Variants in SYTL2 observed in about 807,000 individuals in gnomAD.
SYTL2 encodes the protein synaptotagmin like 2, also known as synaptotagmin-like protein 2.
A neutral mutation model predicts 198.7 loss-of-function variants in SYTL2; 165 were observed. The observed-to-expected ratio is 0.83, with a 90% CI of 0.73 to 0.94. The LOEUF (loss-of-function observed/expected upper bound fraction) is 0.94. Ranked by LOEUF, SYTL2 falls within the 40% of genes least tolerant of loss-of-function variation. SYTL2 has a pLI of 0.00. For synonymous variants in SYTL2, 966 were observed against 917.7 expected (o/e 1.05, Z -0.95); for missense variants, 2,835 against 2,582.8 (o/e 1.10, Z -2.12).
the SYTL2 span, among the ~76,000 whole-genome samples, chr11:85,843,610 C>G: frequency 6.6e-6 from 1 of 152,022 alleles, no homozygotes; most frequent in Non-Finnish European, 1.5e-5. Context: ...TGGGTCCCAT[C>G]AAATTTAGAC....
chr11:85,768,869 C>T (rs916499238), intron 1 of SYTL2, among the ~76,000 whole-genome samples: 3 of 152,140 alleles, frequency 2.0e-5, no homozygotes, highest in Non-Finnish European at 4.4e-5. Context: ...ACCCCAATCT[C>T]AGAGAATCAA....
intron 18 of SYTL2, 121 bp downstream of exon 18, chr11:85,697,858 T>C (rs955805747): frequency 3.2e-6 from 2 of 627,674 alleles, no homozygotes; most frequent in Non-Finnish European, 5.6e-6. Context: ...GTCTCCATTA[T>C]CCCAAGTAAA....
At chr11:85,803,699 T>C (rs1253860177) in intron 1 of SYTL2, among the ~76,000 whole-genome samples, 1 of 152,214 alleles carries the variant, frequency 6.6e-6, no homozygotes. Flanking sequence ...AAAGAGGCAA[T>C]ACTGGGTTGT....
At chr11:85,809,236 G>T (rs924347973) in intron 1 of SYTL2, among the ~76,000 whole-genome samples, 7 of 152,254 alleles carry the variant, frequency 4.6e-5, no homozygotes, top group Admixed American at 1.3e-4. Flanking sequence ...TAACGGGTCA[G>T]ATGTGGACAA....
the SYTL2 span, chr11:85,853,215 A>T: frequency 2.4e-6 from 1 of 420,468 alleles, no homozygotes; most frequent in Non-Finnish European, 4.7e-6. Context: ...TTTGTGGAAT[A>T]GAAAAGGGGG....
chr11:85,854,136 AG>A, the SYTL2 span: 1 of 152,186 alleles, frequency 6.6e-6, no homozygotes, highest in Non-Finnish European at 1.5e-5. Flanking sequence ...TGTAGGCGTG[AG>A]GGATTACAAG....
chr11:85,819,871 T>C, the SYTL2 span, among the ~76,000 whole-genome samples: 1 of 152,244 alleles, frequency 6.6e-6, no homozygotes, highest in African/African-American at 2.4e-5. Flanking sequence ...ATTGTTTATA[T>C]TTTGGTGTTC....
chr11:85,736,497 T>G lies in SYTL2; in HGVS notation c.586+4A>C. ...AAAATCAAGTTCATAAAAATAATAT[T>G]TACCCTCTTTTGAAGTCTGAAATAA... On this transcript the variant is annotated splice_donor_region_variant and intron_variant, in intron 6 of 19. Coordinates refer to ENST00000359152, the MANE Select transcript of SYTL2 (RefSeq NM_206927.4). 1.4e-6 allele frequency: 2 copies of G among 1,456,110 alleles called. No homozygotes were observed. The highest frequency in any genetic ancestry group is 9.5e-7 in the Non-Finnish European group (1 of 1,047,852). The allele number at this position is 1,456,110 out of a possible 1,614,324, so 90.2% of individuals were successfully genotyped here. A position where few individuals can be genotyped will look rare whatever the true frequency, so the allele number is the denominator to read the frequency against.
chr11:85,712,606 G>C (rs189033883), intron 12 of SYTL2, among the ~76,000 whole-genome samples: 122 of 152,194 alleles, frequency 8.0e-4, no homozygotes, highest in African/African-American at 2.4e-3. Context: ...ACTCTCTTCT[G>C]TGTGGAGCTA....
At chr11:85,813,468 A>G (rs1011890558), upstream of SYTL2, among the ~76,000 whole-genome samples, 4 of 152,214 alleles carry the variant, frequency 2.6e-5, no homozygotes, top group East Asian at 7.7e-4. Flanking sequence ...TGTTCCACTT[A>G]TCCCATAGGA....
chr11:85,714,054 T>G, intron 12 of SYTL2, among the ~76,000 whole-genome samples: 1 of 152,258 alleles, frequency 6.6e-6, no homozygotes, highest in Non-Finnish European at 1.5e-5. Flanking sequence ...ACTTTCAAAC[T>G]AGTCATGCTG....
intron 1 of SYTL2, among the ~76,000 whole-genome samples, chr11:85,779,148 C>T (rs1018211399): frequency 1.3e-5 from 2 of 151,918 alleles, no homozygotes; most frequent in Non-Finnish European, 2.9e-5. Context: ...ACCTCTTGAC[C>T]TATTATTACA....
chr11:85,791,011 A>T (rs1220779059), intron 1 of SYTL2, among the ~76,000 whole-genome samples: 1 of 151,496 alleles, frequency 6.6e-6, no homozygotes, highest in East Asian at 1.9e-4. Flanking sequence ...TAAAAATACA[A>T]AAAAAATTAG....
intron 1 of SYTL2, among the ~76,000 whole-genome samples, chr11:85,766,690 T>G (rs1401502312): frequency 6.6e-6 from 1 of 152,032 alleles, no homozygotes; most frequent in Non-Finnish European, 1.5e-5. Context: ...GTTCTGATAA[T>G]GTATGCCGTC....
At chr11:85,739,353 G>T (rs1036458616) in intron 4 of SYTL2, among the ~76,000 whole-genome samples, 2 of 148,262 alleles carry the variant, frequency 1.3e-5, no homozygotes, top group Non-Finnish European at 3.0e-5. Context: ...TATTCGGAAA[G>T]AAAAAGAGAG....
At chr11:85,835,341 A>T in the SYTL2 span, among the ~76,000 whole-genome samples, 4,044 of 152,250 alleles carry the variant, frequency 0.027, 185 homozygotes, top group African/African-American at 0.093. Context: ...AACAACTTCT[A>T]ACTTCACTTA....
chr11:85,758,261 A>G (rs1227755614), intron 1 of SYTL2, 147 bp from the exon 2 acceptor site: 2 of 152,774 alleles, frequency 1.3e-5, no homozygotes, highest in Admixed American at 6.5e-5. Context: ...GCAAATGGTA[A>G]ATGGGTCATG....
intron 14 of SYTL2, among the ~76,000 whole-genome samples, chr11:85,708,869 G>A (rs1206634480): frequency 2.3e-5 from 2 of 87,252 alleles, no homozygotes; most frequent in Non-Finnish European, 3.9e-5. Flanking sequence ...TTTTTGAGAT[G>A]GAGTCTCACT....
rs2089338845 is a variant in SYTL2, at chr11:85,727,533, C to T, written c.1825G>A (p.Val609Met). 6.5e-7 allele frequency: 1 copy of T among 1,535,968 alleles called. No homozygotes were observed. The highest frequency in any genetic ancestry group is 8.7e-7 in the Non-Finnish European group (1 of 1,146,880). ...LVSESCQDNN[V>M]NIKSKFMNLS... is the part of the protein sequence containing the mutation. ...TTCATGAATTTGGATTTGATATTCACATTATTATCTTGGCAACTTTCAGAA... is the reference window on the plus strand; with the variant it reads ...TTCATGAATTTGGATTTGATATTCATATTATTATCTTGGCAACTTTCAGAA... Residue 609 changes from valine to methionine, a missense_variant, in exon 8 of 20, where the codon GTG (valine) becomes ATG (methionine). By Grantham distance (21) the Val-to-Met change is conservative (BLOSUM62 1). Coordinates refer to ENST00000359152, the MANE Select transcript of SYTL2 (RefSeq NM_206927.4).
Sources: allele counts gnomAD v4.1 joint callset (sites outside exome capture counted in the v4.1 genomes callset), GRCh38; gene constraint gnomAD v4.1.1; transcripts MANE v1.5; gene names NCBI Gene and HGNC (gene_info 2026-07-23, HGNC 2026-07-21).